DOCK2: variants seen among roughly 807,000 people sequenced by gnomAD.
DOCK2 encodes the protein dedicator of cytokinesis 2.
A neutral mutation model predicts 248.9 loss-of-function variants in DOCK2; 87 were observed. That is an observed-to-expected ratio of 0.35 (90% CI 0.29 to 0.42). DOCK2 has a LOEUF of 0.42. Among genes scored for constraint, DOCK2 ranks in the 10% least tolerant of loss-of-function variants. The pLI, the probability that DOCK2 is intolerant of heterozygous loss-of-function variation, is 1.00. For synonymous variants in DOCK2, 805 were observed against 821.6 expected, an observed-to-expected ratio of 0.98 and a Z score of 0.35; for missense variants, 1,747 against 2,300.2, an observed-to-expected ratio of 0.76 and a Z score of 4.92.
At chr5:169,800,073 G>A (rs930318520) in intron 25 of DOCK2, among the ~76,000 whole-genome samples, 4 of 152,134 alleles carry the variant, frequency 2.6e-5, no homozygotes, top group Non-Finnish European at 4.4e-5. Flanking sequence ...CCAAAGTGCT[G>A]CAATTATAGG....
At chr5:170,005,310 A>G (rs1025941259) in intron 30 of DOCK2, among the ~76,000 whole-genome samples, 2 of 152,224 alleles carry the variant, frequency 1.3e-5, no homozygotes, top group African/African-American at 4.8e-5. Context: ...GTGACAATAT[A>G]GCAATTGATA....
At chr5:169,722,471 G>A (rs1762262282) in intron 22 of DOCK2, among the ~76,000 whole-genome samples, 1 of 152,208 alleles carries the variant, frequency 6.6e-6, no homozygotes, top group Admixed American at 6.5e-5. Flanking sequence ...CCCCAGGCTA[G>A]AGTGCAAGGG....
At chr5:169,730,560 A>T (rs1309693179) in intron 22 of DOCK2, among the ~76,000 whole-genome samples, 1 of 152,220 alleles carries the variant, frequency 6.6e-6, no homozygotes, top group Non-Finnish European at 1.5e-5. Context: ...TTGGGTGACA[A>T]GAAGGGTTTG....
chr5:169,750,774 C>T (rs1031035251), intron 23 of DOCK2, among the ~76,000 whole-genome samples: 9 of 152,084 alleles, frequency 5.9e-5, no homozygotes, highest in African/African-American at 2.2e-4. Context: ...CACCTATTTA[C>T]ATAGCTATTG....
chr5:170,016,739 G>C (rs964115379), intron 32 of DOCK2, among the ~76,000 whole-genome samples: 1 of 152,156 alleles, frequency 6.6e-6, no homozygotes, highest in Non-Finnish European at 1.5e-5. Flanking sequence ...TCTCCATTCC[G>C]TGGTGGCTTA....
chr5:169,717,449 C>T lies in DOCK2; in HGVS notation c.2097C>T (p.Tyr699=), dbSNP rs1322913885. 1 of 1,613,898 alleles carries T rather than the reference C, an allele frequency of 6.2e-7. No homozygotes were observed. The highest frequency in any genetic ancestry group is 1.1e-5 in the South Asian group (1 of 91,078). The change falls in exon 21 of 52, where the codon TAC becomes TAT. Residue 699 remains tyrosine (Y), a synonymous_variant. Coordinates refer to ENST00000520908, the MANE Select transcript of DOCK2 (RefSeq NM_004946.3). ...FQHFNTVLEA[Y]IQQHFSATLA... Reference sequence around the variant, plus strand: ...ATTTCAACACCGTTCTGGAGGCTTACATCCAACAGCATTTCAGTGCGACCT... The same window carrying T: ...ATTTCAACACCGTTCTGGAGGCTTATATCCAACAGCATTTCAGTGCGACCT...
At chr5:169,871,709 G>T (rs750515537) in intron 27 of DOCK2, among the ~76,000 whole-genome samples, 2 of 152,142 alleles carry the variant, frequency 1.3e-5, no homozygotes, top group Non-Finnish European at 1.5e-5. Context: ...GGGTGGTGGG[G>T]GTGGAGGTGG....
At chr5:169,923,269 T>C (rs139435883) in intron 27 of DOCK2, among the ~76,000 whole-genome samples, 8 of 152,338 alleles carry the variant, frequency 5.3e-5, no homozygotes, top group African/African-American at 1.7e-4. Context: ...GTCTGGGTGG[T>C]AAGCTTATAT....
intron 35 of DOCK2, among the ~76,000 whole-genome samples, chr5:170,036,227 T>A (rs902690131): frequency 6.6e-6 from 1 of 152,136 alleles, no homozygotes. Context: ...CACCTCTCAA[T>A]GCAGCAAAAC....
chr5:169,770,961 G>A (rs541317277), intron 25 of DOCK2, among the ~76,000 whole-genome samples: 2 of 152,272 alleles, frequency 1.3e-5, no homozygotes, highest in Non-Finnish European at 2.9e-5. Context: ...AGTCTCCTTT[G>A]GGGATAGAAC....
chr5:169,853,259 G>A (rs1217095665), intron 27 of DOCK2, among the ~76,000 whole-genome samples: 4 of 152,192 alleles, frequency 2.6e-5, no homozygotes, highest in Admixed American at 1.3e-4. Flanking sequence ...CCAGTCTCAG[G>A]TATGTGTTTC....
intron 22 of DOCK2, among the ~76,000 whole-genome samples, chr5:169,746,988 G>C (rs747820961): frequency 6.6e-6 from 1 of 152,144 alleles, no homozygotes; most frequent in Non-Finnish European, 1.5e-5. Flanking sequence ...ACAGACAATG[G>C]GTGGCGGAAA....
intron 27 of DOCK2, among the ~76,000 whole-genome samples, chr5:169,950,417 C>G (rs1385255628): frequency 6.6e-6 from 1 of 152,202 alleles, no homozygotes; most frequent in Non-Finnish European, 1.5e-5. Context: ...TCTTTTTGGA[C>G]TTTCAAACAA....
At chr5:169,785,317 C>A (rs1469021731) in intron 25 of DOCK2, among the ~76,000 whole-genome samples, 1 of 152,076 alleles carries the variant, frequency 6.6e-6, no homozygotes, top group South Asian at 2.1e-4. Flanking sequence ...TTATTCTTGC[C>A]TTTTTATCCT....
intron 27 of DOCK2, among the ~76,000 whole-genome samples, chr5:169,858,702 A>G (rs1318718420): frequency 6.6e-6 from 1 of 152,184 alleles, no homozygotes; most frequent in Non-Finnish European, 1.5e-5. Context: ...TGGAGAAGAT[A>G]TTTGAGAAGT....
At chr5:169,780,747 C>T (rs35577230) in intron 25 of DOCK2, among the ~76,000 whole-genome samples, 20,042 of 152,204 alleles carry the variant, frequency 0.13, 1,652 homozygotes, top group Non-Finnish European at 0.18. Context: ...AAACACTACA[C>T]AGTACGTCTT....
intron 27 of DOCK2, among the ~76,000 whole-genome samples, chr5:169,868,274 A>G (rs578260445): frequency 3.3e-5 from 5 of 152,336 alleles, no homozygotes; most frequent in East Asian, 3.9e-4. Flanking sequence ...TGTACTTCTT[A>G]TTTCTCTGAA....
intron 27 of DOCK2, among the ~76,000 whole-genome samples, chr5:169,914,713 A>AGGAG (rs1294809435): frequency 7.2e-5 from 11 of 152,222 alleles, no homozygotes; most frequent in Non-Finnish European, 1.5e-4. Flanking sequence ...CAATCCCTGC[A>AGGAG]GGAGGAGCAG....
At chr5:169,718,296 G>A (rs76278864) in intron 21 of DOCK2, among the ~76,000 whole-genome samples, 2,090 of 152,130 alleles carry the variant, frequency 0.014, 43 homozygotes, top group African/African-American at 0.045. Context: ...CAAACTTAGA[G>A]TTCTGTGATA....
Sources: allele counts gnomAD v4.1 joint callset (sites outside exome capture counted in the v4.1 genomes callset), GRCh38; gene constraint gnomAD v4.1.1; transcripts MANE v1.5; gene names NCBI Gene and HGNC (gene_info 2026-07-23, HGNC 2026-07-21).